The following SIRPG variants were observed in gnomAD, a reference collection of about 807,000 sequenced individuals.
SIRPG encodes the protein signal regulatory protein gamma, also known as signal-regulatory protein gamma.
Under a neutral mutation model 35.7 loss-of-function variants are expected in SIRPG, and 38 were observed. The observed-to-expected ratio is 1.06, with a 90% CI of 0.82 to 1.40. SIRPG has a LOEUF of 1.40. Among genes scored for constraint, SIRPG ranks in the 40% most tolerant of loss-of-function variants. The pLI, the probability that SIRPG is intolerant of heterozygous loss-of-function variation, is 0.00. For synonymous variants in SIRPG, 215 were observed against 190.4 expected, an observed-to-expected ratio of 1.13 and a Z score of -1.06; for missense variants, 519 against 483.0, an observed-to-expected ratio of 1.07 and a Z score of -0.70.
chr20:1,646,503 T>TG (rs1281270460), intron 2 of SIRPG: 2 of 152,194 alleles, frequency 1.3e-5, no homozygotes, highest in Non-Finnish European at 2.9e-5. Flanking sequence ...CAGCACAACA[T>TG]GGGGGGAGAG....
rs748872044 is a variant in SIRPG, at chr20:1,635,588, A to G, written c.760T>C (p.Leu254=). 1 of 1,614,080 alleles carries G rather than the reference A, an allele frequency of 6.2e-7. No homozygotes were observed. Among genetic ancestry groups the G allele is most frequent in the Non-Finnish European group, 8.5e-7 (1 of 1,179,966 alleles). ...LSEAIRVPPT[L]EVTQQPMRVG... is the part of the protein sequence containing the mutation. ...CTCATGGGCTGTTGAGTAACCTCCA[A>G]GGTGGGTGGAACTGAAACAGCACAG... The change falls in exon 4 of 6, where the codon TTG becomes CTG. Residue 254 remains leucine, a synonymous_variant. Coordinates refer to ENST00000303415, the MANE Select transcript of SIRPG (RefSeq NM_018556.4).
chr20:1,658,667 G>A (rs188654702), upstream of SIRPG, among the ~76,000 whole-genome samples: 553 of 152,268 alleles, frequency 3.6e-3, 2 homozygotes, highest in African/African-American at 0.012. Context: ...TTTTTGTGCA[G>A]TGTTTTAGTG....
At chr20:1,680,346 G>A in the SIRPG span, among the ~76,000 whole-genome samples, 1 of 152,084 alleles carries the variant, frequency 6.6e-6, no homozygotes, top group Non-Finnish European at 1.5e-5. Context: ...GGATCCCCTG[G>A]TCTGGAGTAC....
At chr20:1,642,163 C>T (rs923356815) in intron 2 of SIRPG, among the ~76,000 whole-genome samples, 3 of 152,166 alleles carry the variant, frequency 2.0e-5, no homozygotes, top group African/African-American at 7.2e-5. Context: ...TTTTCTGTCT[C>T]ATTGATCTGT....
chr20:1,683,832 G>C, the SIRPG span, among the ~76,000 whole-genome samples: 6 of 152,130 alleles, frequency 3.9e-5, no homozygotes, highest in Admixed American at 2.0e-4. Context: ...AGCCGGGCAT[G>C]GTGGCGGACA....
At chr20:1,665,312 G>T in the SIRPG span, 1 of 168,898 alleles carries the variant, frequency 5.9e-6, no homozygotes, top group South Asian at 1.4e-4. Context: ...GATGTTAGAT[G>T]GCAGAGACAT....
At chr20:1,677,701 C>T in the SIRPG span, among the ~76,000 whole-genome samples, 146 of 152,118 alleles carry the variant, frequency 9.6e-4, 1 homozygote, top group Non-Finnish European at 1.8e-3. Flanking sequence ...TGTGTGACTG[C>T]GTTACAATCA....
intron 1 of SIRPG, among the ~76,000 whole-genome samples, chr20:1,650,660 G>A (rs868379467): frequency 2.0e-5 from 3 of 152,140 alleles, no homozygotes; most frequent in Non-Finnish European, 4.4e-5. Context: ...GGAAAAAAAA[G>A]AGGAAGAGAA....
chr20:1,652,560 AC>A (rs1481273555), intron 1 of SIRPG, among the ~76,000 whole-genome samples: 1 of 152,216 alleles, frequency 6.6e-6, no homozygotes, highest in Non-Finnish European at 1.5e-5. Flanking sequence ...TGACAGACAA[AC>A]AATATGGTAT....
chr20:1,667,724 A>G, the SIRPG span, among the ~76,000 whole-genome samples: 2 of 152,216 alleles, frequency 1.3e-5, no homozygotes, highest in African/African-American at 4.8e-5. Context: ...GTGGCTGTAT[A>G]TGCTTGTTCA....
At chr20:1,637,988 C>T (rs1482293648) in intron 2 of SIRPG, among the ~76,000 whole-genome samples, 1 of 152,166 alleles carries the variant, frequency 6.6e-6, no homozygotes, top group Non-Finnish European at 1.5e-5. Context: ...TAACTTGCTC[C>T]CTACCACATG....
intron 4 of SIRPG, chr20:1,630,544 G>T: frequency 2.0e-6 from 1 of 491,444 alleles, no homozygotes; most frequent in East Asian, 4.1e-5. Flanking sequence ...GAGGTGGAGG[G>T]GGTGTGTACT....
chr20:1,668,966 C>A, the SIRPG span, among the ~76,000 whole-genome samples: 1 of 152,276 alleles, frequency 6.6e-6, no homozygotes, highest in South Asian at 2.1e-4. Flanking sequence ...ACAGACCCAG[C>A]AGATGAGGCT....
chr20:1,633,949 T>C (rs1022793635), intron 4 of SIRPG, among the ~76,000 whole-genome samples: 2 of 152,174 alleles, frequency 1.3e-5, no homozygotes, highest in Non-Finnish European at 2.9e-5. Context: ...TTACTTTAAT[T>C]AGTTTGAACC....
the SIRPG span, among the ~76,000 whole-genome samples, chr20:1,678,357 C>T: frequency 1.3e-5 from 2 of 152,050 alleles, no homozygotes; most frequent in Non-Finnish European, 2.9e-5. Flanking sequence ...GATTATGATA[C>T]AGTAACAAAA....
At chr20:1,652,805 T>G (rs2091949345) in intron 1 of SIRPG, among the ~76,000 whole-genome samples, 1 of 152,258 alleles carries the variant, frequency 6.6e-6, no homozygotes. Context: ...TTGATTACTG[T>G]CTTTCTCTGC....
the SIRPG span, among the ~76,000 whole-genome samples, chr20:1,674,475 C>T: frequency 4.6e-5 from 7 of 152,278 alleles, no homozygotes; most frequent in South Asian, 1.0e-3. Context: ...TCAACAGGTG[C>T]GGACACTGAG....
chr20:1,654,989 T>C (rs1008986650), intron 1 of SIRPG, among the ~76,000 whole-genome samples: 1 of 152,202 alleles, frequency 6.6e-6, no homozygotes, highest in African/African-American at 2.4e-5. Flanking sequence ...GGCTATCATC[T>C]CACACCTTTA....
the SIRPG span, among the ~76,000 whole-genome samples, chr20:1,678,470 G>T: frequency 6.7e-6 from 1 of 149,722 alleles, no homozygotes; most frequent in Admixed American, 6.6e-5. Flanking sequence ...TCTAACAAGT[G>T]AGCAGGTGGG....
Sources: gnomAD v4.1 joint callset for allele counts (sites outside exome capture counted in the v4.1 genomes callset) on GRCh38, gnomAD v4.1.1 for gene constraint, MANE v1.5 for transcripts, NCBI Gene and HGNC (gene_info 2026-07-23, HGNC 2026-07-21) for gene names.